Variants in PARN observed in about 807,000 individuals in gnomAD.
The protein encoded by PARN is poly(A)-specific ribonuclease.
A neutral mutation model predicts 102.8 loss-of-function variants in PARN; 71 were observed. That is an observed-to-expected ratio of 0.69 (90% confidence interval 0.57 to 0.84). The LOEUF (loss-of-function observed/expected upper bound fraction) is 0.84, where lower values mean the gene tolerates loss of function less well. Ranked by LOEUF, PARN falls within the 40% of genes least tolerant of loss-of-function variation. The pLI is 0.00. For synonymous variants in PARN, 261 were observed against 252.9 expected, an observed-to-expected ratio of 1.03 and a Z score of -0.30; for missense variants, 782 against 760.9, an observed-to-expected ratio of 1.03 and a Z score of -0.33.
intron 20 of PARN, among the ~76,000 whole-genome samples, chr16:14,552,935 C>T (rs1294918867): frequency 1.3e-5 from 2 of 151,248 alleles, no homozygotes; most frequent in African/African-American, 2.4e-5. Flanking sequence ...GCAACAAGAA[C>T]GAAACTCTGT....
chr16:14,539,686 T>C (rs1359282729), intron 21 of PARN, among the ~76,000 whole-genome samples: 2 of 152,244 alleles, frequency 1.3e-5, no homozygotes, highest in East Asian at 1.9e-4. Context: ...ATACAAAACA[T>C]ACATTCACAT....
At chr16:14,438,791 T>C (rs560293622) in intron 23 of PARN, among the ~76,000 whole-genome samples, 65 of 152,306 alleles carry the variant, frequency 4.3e-4, no homozygotes, top group African/African-American at 1.5e-3. Context: ...TTTCACTGTC[T>C]ACCTGTACAG....
chr16:14,529,658 C>A (rs996953713), intron 21 of PARN, among the ~76,000 whole-genome samples: 3 of 152,130 alleles, frequency 2.0e-5, no homozygotes, highest in Non-Finnish European at 4.4e-5. Flanking sequence ...TGATGGCCAG[C>A]AATAAAGTAT....
At chr16:14,571,690 CTG>C (rs558092572) in intron 18 of PARN, among the ~76,000 whole-genome samples, 113 of 152,256 alleles carry the variant, frequency 7.4e-4, no homozygotes, top group African/African-American at 2.6e-3. Flanking sequence ...GAGAAGTTAA[CTG>C]AGGCCTATGA....
At chr16:14,550,744 AAC>A (rs1414909252) in intron 21 of PARN, among the ~76,000 whole-genome samples, 1 of 152,220 alleles carries the variant, frequency 6.6e-6, no homozygotes, top group African/African-American at 2.4e-5. Flanking sequence ...GTAAAAAACA[AAC>A]ACATCACTTA....
At chr16:14,449,386 C>CA (rs1961349640) in intron 22 of PARN, among the ~76,000 whole-genome samples, 1 of 151,970 alleles carries the variant, frequency 6.6e-6, no homozygotes, top group Non-Finnish European at 1.5e-5. Context: ...TATCTAAATG[C>CA]AAAAAAGGCA....
At chr16:14,453,447 T>C (rs980946198) in intron 22 of PARN, among the ~76,000 whole-genome samples, 1 of 152,238 alleles carries the variant, frequency 6.6e-6, no homozygotes, top group African/African-American at 2.4e-5. Flanking sequence ...CCATTTTAAA[T>C]TAGGGTATTA....
intron 18 of PARN, among the ~76,000 whole-genome samples, chr16:14,563,476 T>TTGTGTGTGTGTG (rs56099416): frequency 1.4e-5 from 2 of 143,648 alleles, no homozygotes; most frequent in South Asian, 2.3e-4. Flanking sequence ...GAAAATTCCT[T>TTGTGTGTGTGTG]TGTGTGTGTG....
chr16:14,529,374 A>G (rs924838193), intron 21 of PARN, among the ~76,000 whole-genome samples: 3 of 152,254 alleles, frequency 2.0e-5, no homozygotes, highest in African/African-American at 4.8e-5. Context: ...TTTGTAAGCC[A>G]GATGGATGGC....
intron 21 of PARN, among the ~76,000 whole-genome samples, chr16:14,542,454 G>A (rs1270965976): frequency 6.6e-6 from 1 of 151,450 alleles, no homozygotes; most frequent in Non-Finnish European, 1.5e-5. Context: ...TAGTAGCTGG[G>A]AATAAAAATG....
At chr16:14,521,166 C>A (rs147364617) in intron 21 of PARN, among the ~76,000 whole-genome samples, 2 of 152,310 alleles carry the variant, frequency 1.3e-5, no homozygotes, top group East Asian at 3.9e-4. Flanking sequence ...CTTTGGCAAA[C>A]CTAAACATTC....
chr16:14,569,957 C>A (rs917053021), intron 18 of PARN, among the ~76,000 whole-genome samples: 5 of 152,006 alleles, frequency 3.3e-5, no homozygotes, highest in Non-Finnish European at 4.4e-5. Context: ...AAATTAATAA[C>A]GTAATATGCC....
intron 21 of PARN, among the ~76,000 whole-genome samples, chr16:14,527,671 G>A (rs752224966): frequency 1.3e-5 from 2 of 152,106 alleles, no homozygotes; most frequent in Non-Finnish European, 2.9e-5. Flanking sequence ...TGAACTCATG[G>A]CCAAGAGCAC....
chr16:14,629,524 G>A, intron 2 of PARN, 73 bp downstream of exon 2: 1 of 1,108,580 alleles, frequency 9.0e-7, no homozygotes, highest in Non-Finnish European at 1.4e-6. Context: ...ATAAGAAGTT[G>A]GGGGCTGGGG....
intron 21 of PARN, among the ~76,000 whole-genome samples, chr16:14,528,180 C>A (rs1175613815): frequency 6.6e-6 from 1 of 152,206 alleles, no homozygotes; most frequent in East Asian, 1.9e-4. Flanking sequence ...CAGCAAACTT[C>A]TCCTGTGCCT....
intron 22 of PARN, among the ~76,000 whole-genome samples, chr16:14,453,047 T>C (rs555485489): frequency 1.3e-5 from 2 of 152,290 alleles, no homozygotes; most frequent in East Asian, 3.9e-4. Context: ...ATTTTAAAAG[T>C]CAAAAGGTAA....
intron 22 of PARN, among the ~76,000 whole-genome samples, chr16:14,449,977 A>T (rs1010268963): frequency 8.5e-5 from 13 of 152,184 alleles, no homozygotes; most frequent in Admixed American, 5.2e-4. Flanking sequence ...TAGAAGATAT[A>T]CCTCCTACAA....
At chr16:14,550,909 ATCAAAATT>A (rs749612896) in intron 21 of PARN, among the ~76,000 whole-genome samples, 2 of 152,144 alleles carry the variant, frequency 1.3e-5, no homozygotes, top group Non-Finnish European at 2.9e-5. Context: ...ATATCAAAAT[ATCAAAATT>A]ATTTAGGATC....
At chr16:14,547,423 T>C (rs1004354017) in intron 21 of PARN, among the ~76,000 whole-genome samples, 2 of 151,988 alleles carry the variant, frequency 1.3e-5, no homozygotes, top group African/African-American at 4.8e-5. Flanking sequence ...ATGTCGAAAA[T>C]AGCCAGGCAC....
Sources: allele counts gnomAD v4.1 joint callset (sites outside exome capture counted in the v4.1 genomes callset), GRCh38; gene constraint gnomAD v4.1.1; transcripts MANE v1.5; gene names NCBI Gene and HGNC (gene_info 2026-07-23, HGNC 2026-07-21).